The following PBX1 variants were observed in gnomAD, a reference collection of about 807,000 sequenced individuals.
The protein encoded by PBX1 is pre-B-cell leukemia transcription factor 1.
Under a neutral mutation model 53.4 loss-of-function variants are expected in PBX1, and 6 were observed. That is an observed-to-expected ratio of 0.11 (90% CI 0.06 to 0.22). PBX1 has a LOEUF of 0.22. PBX1 is among the 10% of genes least tolerant of loss of function. PBX1 has a pLI of 1.00. For missense variants in PBX1, 251 were observed against 551.4 expected (o/e 0.46, Z 5.46); for synonymous variants, 204 against 212.3 (o/e 0.96, Z 0.34).
chr1:164,691,325 A>G (rs1662473517), intron 2 of PBX1, among the ~76,000 whole-genome samples: 2 of 152,074 alleles, frequency 1.3e-5, no homozygotes, highest in African/African-American at 4.8e-5. Context: ...GAGTTGTTTA[A>G]TCTTGAAAAG....
intron 2 of PBX1, among the ~76,000 whole-genome samples, chr1:164,712,876 C>T (rs1013367752): frequency 4.6e-5 from 7 of 152,192 alleles, no homozygotes; most frequent in Non-Finnish European, 8.8e-5. Flanking sequence ...ACATTCTCTC[C>T]TGCTCTAGGG....
intron 2 of PBX1, chr1:164,625,926 C>A (rs1658004735): frequency 9.7e-7 from 1 of 1,028,502 alleles, no homozygotes; most frequent in South Asian, 4.6e-5. Flanking sequence ...GGATTTGTGA[C>A]AGAATTGAAG....
intron 2 of PBX1, among the ~76,000 whole-genome samples, chr1:164,587,696 A>G (rs901606257): frequency 5.9e-5 from 9 of 152,042 alleles, no homozygotes; most frequent in Admixed American, 1.3e-4. Flanking sequence ...CATCCTGTTG[A>G]CCCATCTGCT....
At position 164,739,753 on chromosome 1, in the gene PBX1, A is replaced by ATGCGTG. The variant is rs1249833541; in HGVS notation, c.266-52739_266-52738insCGTGTG. Among the ~76,000 whole-genome samples the ATGCGTG allele has an allele frequency of 3.0e-3, 425 of 143,108 alleles. 5 individuals are homozygous for ATGCGTG. Among genetic ancestry groups the ATGCGTG allele is most frequent in the African/African-American group, 9.4e-3 (364 of 38,896 alleles). 93.9% of individuals were successfully genotyped at this position (143,108 alleles called of 152,430 possible). A position where few individuals can be genotyped will look rare whatever the true frequency, so the allele number is the denominator to read the frequency against. ...TGCAGGGTTCATGAAGTGGTTGTGC[A>ATGCGTG]TGTGTGTGTGTGTGTGTGTGTGTGT... is the stretch of plus-strand genomic sequence containing the variant. On this transcript the variant is annotated intron_variant, in intron 2 of 8. Transcript: ENST00000420696.
chr1:164,766,199 G>T (rs1780360), intron 2 of PBX1, among the ~76,000 whole-genome samples: 127,675 of 152,112 alleles, frequency 0.84, 55,445 homozygotes, highest in Non-Finnish European at 0.96. Context: ...ATATGCTAGG[G>T]TGAAGGGAAT....
chr1:164,801,303 G>A (rs924532988), intron 4 of PBX1, among the ~76,000 whole-genome samples: 6 of 152,268 alleles, frequency 3.9e-5, no homozygotes, highest in African/African-American at 9.6e-5. Flanking sequence ...AATGCAGCCC[G>A]TTCTGCGTAG....
chr1:164,775,624 C>T (rs756908772), intron 2 of PBX1, among the ~76,000 whole-genome samples: 1 of 152,154 alleles, frequency 6.6e-6, no homozygotes, highest in Non-Finnish European at 1.5e-5. Context: ...TTTGTTATAA[C>T]CGTCTGCCCA....
intron 2 of PBX1, among the ~76,000 whole-genome samples, chr1:164,677,884 G>A (rs1661530459): frequency 6.6e-6 from 1 of 152,174 alleles, no homozygotes; most frequent in Non-Finnish European, 1.5e-5. Flanking sequence ...AGTAGGGTCA[G>A]ATTATGGAGA....
chr1:164,723,392 T>TC (rs200147959), intron 2 of PBX1, among the ~76,000 whole-genome samples: 1,935 of 152,238 alleles, frequency 0.013, 22 homozygotes, highest in Non-Finnish European at 0.018. Flanking sequence ...GCTGGCAGTC[T>TC]CGCAAACACT....
intron 2 of PBX1, among the ~76,000 whole-genome samples, chr1:164,671,992 A>G (rs954248034): frequency 6.7e-6 from 1 of 149,138 alleles, no homozygotes; most frequent in Non-Finnish European, 1.5e-5. Flanking sequence ...GTTTCTTTTT[A>G]TTTATTTTTC....
At chr1:164,807,433 C>A in intron 4 of PBX1, 109 bp from the exon 5 acceptor site, 2 of 1,373,728 alleles carry the variant, frequency 1.5e-6, no homozygotes, top group African/African-American at 1.4e-5. Flanking sequence ...GCTCCAAATT[C>A]ACCTTTTGCT....
At chr1:164,599,080 T>TTTC (rs893464163) in intron 2 of PBX1, among the ~76,000 whole-genome samples, 12 of 150,266 alleles carry the variant, frequency 8.0e-5, no homozygotes, top group Admixed American at 2.7e-4. Flanking sequence ...GATTTTTTTT[T>TTTC]TTTTTTTTGC....
intron 2 of PBX1, among the ~76,000 whole-genome samples, chr1:164,567,437 ATTT>A (rs765343861): frequency 2.1e-5 from 3 of 145,900 alleles, no homozygotes; most frequent in African/African-American, 7.5e-5. Flanking sequence ...AATTTGGTTC[ATTT>A]TTTTTTTTTC....
chr1:164,634,217 G>A lies in PBX1; in HGVS notation c.265+70906G>A, dbSNP rs956233192. ...CTGTCCTGAAGCCTGTAATTGTGGG[G>A]TTTCTGTGAGGTTTGGCCAGAGGCT... On this transcript the variant is annotated intron_variant, in intron 2 of 8. Coordinates refer to ENST00000420696, the MANE Select transcript of PBX1 (RefSeq NM_002585.4). Among the ~76,000 whole-genome samples, 35 of 152,222 alleles carry A rather than the reference G, an allele frequency of 2.3e-4. 1 individual carries two copies. Among genetic ancestry groups the A allele is most frequent in the Non-Finnish European group, 2.9e-5 (2 of 68,034 alleles).
At chr1:164,582,581 C>T (rs1042612387) in intron 2 of PBX1, among the ~76,000 whole-genome samples, 6 of 152,032 alleles carry the variant, frequency 3.9e-5, no homozygotes, top group South Asian at 4.1e-4. Context: ...TGCCACCACA[C>T]CCAGCTAATT....
At chr1:164,799,287 G>A (rs555645816) in intron 3 of PBX1, among the ~76,000 whole-genome samples, 32 of 152,198 alleles carry the variant, frequency 2.1e-4, no homozygotes, top group African/African-American at 7.7e-4. Context: ...TCAGGAGATC[G>A]AGACCATCCT....
intron 2 of PBX1, among the ~76,000 whole-genome samples, chr1:164,686,943 C>T (rs1269880242): frequency 2.7e-5 from 4 of 150,094 alleles, no homozygotes; most frequent in African/African-American, 4.9e-5. Flanking sequence ...GGCGACAGAG[C>T]GAGACTGCAT....
At chr1:164,739,545 T>C (rs1181574046) in intron 2 of PBX1, among the ~76,000 whole-genome samples, 1 of 152,240 alleles carries the variant, frequency 6.6e-6, no homozygotes, top group Non-Finnish European at 1.5e-5. Context: ...TACGCAATTT[T>C]ACTTCAAAAG....
chr1:164,749,016 T>C (rs1276110990), intron 2 of PBX1, among the ~76,000 whole-genome samples: 1 of 152,126 alleles, frequency 6.6e-6, no homozygotes, highest in African/African-American at 2.4e-5. Context: ...TTGGGAAATT[T>C]TCTAAGCTAC....
Sources: allele counts gnomAD v4.1 joint callset (sites outside exome capture counted in the v4.1 genomes callset), GRCh38; gene constraint gnomAD v4.1.1; transcripts MANE v1.5; gene names NCBI Gene and HGNC (gene_info 2026-07-23, HGNC 2026-07-21).